Variants in B3GALT1 observed in about 807,000 individuals in gnomAD.
B3GALT1 encodes beta-1,3-galactosyltransferase 1.
A neutral mutation model predicts 23.2 loss-of-function variants in B3GALT1; 10 were observed. That is an observed-to-expected ratio of 0.43 (90% CI 0.27 to 0.73). B3GALT1 has a LOEUF of 0.73. Among genes scored for constraint, B3GALT1 ranks in the 30% least tolerant of loss-of-function variants. The pLI, the probability that B3GALT1 is intolerant of heterozygous loss-of-function variation, is 0.21. For missense variants in B3GALT1, 299 were observed against 405.4 expected (o/e 0.74, Z 2.25); for synonymous variants, 156 against 141.5 (o/e 1.10, Z -0.73).
At chr2:167,511,008 T>C (rs1016439662) in intron 2 of B3GALT1, among the ~76,000 whole-genome samples, 1 of 152,154 alleles carries the variant, frequency 6.6e-6, no homozygotes, top group Non-Finnish European at 1.5e-5. Flanking sequence ...AAGTAAAATA[T>C]TAATCATGAT....
intron 2 of B3GALT1, among the ~76,000 whole-genome samples, chr2:167,535,122 G>T (rs1275054334): frequency 6.6e-6 from 1 of 152,028 alleles, no homozygotes. Flanking sequence ...AAGTCATCAA[G>T]GGAACAAATG....
intron 3 of B3GALT1, among the ~76,000 whole-genome samples, chr2:167,776,008 G>A (rs1215219182): frequency 7.2e-6 from 1 of 138,024 alleles, no homozygotes; most frequent in Non-Finnish European, 1.5e-5. Flanking sequence ...CATGTATTAG[G>A]TAACTATATA....
chr2:167,838,759 A>T (rs1254793852), intron 4 of B3GALT1, among the ~76,000 whole-genome samples: 1 of 152,290 alleles, frequency 6.6e-6, no homozygotes, highest in Non-Finnish European at 1.5e-5. Context: ...CTTGATGAAC[A>T]TTGATGCAAA....
At chr2:167,864,666 C>G (rs1690174409) in intron 4 of B3GALT1, among the ~76,000 whole-genome samples, 1 of 152,202 alleles carries the variant, frequency 6.6e-6, no homozygotes, top group African/African-American at 2.4e-5. Context: ...GCCTATGTCT[C>G]AACAGGCCTT....
chr2:167,633,086 G>T (rs1473766699), intron 2 of B3GALT1, among the ~76,000 whole-genome samples: 1 of 151,882 alleles, frequency 6.6e-6, no homozygotes, highest in Non-Finnish European at 1.5e-5. Flanking sequence ...ATGATGGAGA[G>T]AATGGAACCA....
At chr2:167,610,298 C>T (rs1685037161) in intron 2 of B3GALT1, among the ~76,000 whole-genome samples, 1 of 152,056 alleles carries the variant, frequency 6.6e-6, no homozygotes, top group Admixed American at 6.6e-5. Flanking sequence ...AGAAATTTAA[C>T]CGTGCTTAAA....
At chr2:167,615,282 A>G (rs1343404609) in intron 2 of B3GALT1, among the ~76,000 whole-genome samples, 1 of 152,072 alleles carries the variant, frequency 6.6e-6, no homozygotes, top group African/African-American at 2.4e-5. Context: ...AGCCAGACAC[A>G]GAAAGACAAA....
chr2:167,757,110 C>T (rs929085608), intron 3 of B3GALT1, among the ~76,000 whole-genome samples: 2 of 152,162 alleles, frequency 1.3e-5, no homozygotes, highest in Non-Finnish European at 1.5e-5. Flanking sequence ...TCATCCACTA[C>T]GTCAGAGGAA....
intron 2 of B3GALT1, among the ~76,000 whole-genome samples, chr2:167,604,842 A>G (rs1206199709): frequency 1.3e-5 from 2 of 152,184 alleles, no homozygotes; most frequent in Admixed American, 6.5e-5. Context: ...ATAGAATATA[A>G]ATCTGGGAAG....
intron 1 of B3GALT1, among the ~76,000 whole-genome samples, chr2:167,368,771 T>C (rs1697631381): frequency 6.6e-6 from 1 of 152,188 alleles, no homozygotes; most frequent in Non-Finnish European, 1.5e-5. Context: ...TACCATGTTG[T>C]CTAACTATTG....
intron 1 of B3GALT1, among the ~76,000 whole-genome samples, chr2:167,359,199 AAAG>A (rs1400075015): frequency 6.6e-6 from 1 of 152,228 alleles, no homozygotes; most frequent in Non-Finnish European, 1.5e-5. Context: ...ATTTAAAAAA[AAAG>A]CTCAAAAATT....
chr2:167,850,928 TG>T (rs1226634999), intron 4 of B3GALT1, among the ~76,000 whole-genome samples: 1 of 152,132 alleles, frequency 6.6e-6, no homozygotes, highest in Non-Finnish European at 1.5e-5. Context: ...AACTTTCTCC[TG>T]TATCCAAATA....
intron 3 of B3GALT1, among the ~76,000 whole-genome samples, chr2:167,802,565 A>G (rs1688658294): frequency 6.6e-6 from 1 of 152,220 alleles, no homozygotes; most frequent in South Asian, 2.1e-4. Context: ...ATTGTTTTGC[A>G]AATGTTTTAC....
At chr2:167,515,227 AT>A (rs757822722) in intron 2 of B3GALT1, among the ~76,000 whole-genome samples, 2 of 152,128 alleles carry the variant, frequency 1.3e-5, no homozygotes, top group Non-Finnish European at 2.9e-5. Context: ...AACATTAGAG[AT>A]TTTCCTCTAG....
chr2:167,319,327 A>G (rs910748034), intron 1 of B3GALT1, among the ~76,000 whole-genome samples: 13 of 152,172 alleles, frequency 8.5e-5, no homozygotes, highest in Admixed American at 3.9e-4. Context: ...ACATGTTGCA[A>G]TTTTCTTCTC....
intron 1 of B3GALT1, among the ~76,000 whole-genome samples, chr2:167,423,434 T>A (rs1042293866): frequency 2.6e-5 from 4 of 152,196 alleles, no homozygotes; most frequent in Non-Finnish European, 5.9e-5. Flanking sequence ...ATCTGTGGAC[T>A]TTCTACTCGC....
intron 2 of B3GALT1, among the ~76,000 whole-genome samples, chr2:167,508,624 T>A (rs1244776308): frequency 2.6e-5 from 4 of 152,192 alleles, no homozygotes; most frequent in African/African-American, 9.7e-5. Flanking sequence ...AATTGAACTT[T>A]TTTTTTAGAG....
chr2:167,866,874 C>A lies in B3GALT1; in HGVS notation c.-229-1937C>A, dbSNP rs544067015. 1.7e-4 allele frequency among the ~76,000 whole-genome samples: 26 copies of A among 152,334 alleles called. No homozygotes were observed. In the South Asian group the frequency reaches 5.4e-3, roughly 32 times the overall value. ...TGCTTTCTAGTACCATCTTGGGACT[C>A]ACTTACAACCTTTTGTAATTGAAAT... On this transcript the variant is annotated intron_variant, in intron 4 of 4. Transcript: ENST00000392690.
chr2:167,393,303 G>A lies in B3GALT1; in HGVS notation c.-510-96874G>A, dbSNP rs142918186. ...TTTTTTTTTTTAATTATATAGTCAC[G>A]CCTGTGATCTAGTGGAAACTATCTT... On this transcript the variant is annotated intron_variant, in intron 1 of 4. Transcript: ENST00000392690. 5.1e-3 allele frequency among the ~76,000 whole-genome samples: 754 copies of A among 148,156 alleles called. 5 individuals are homozygous for A. Among genetic ancestry groups the A allele is most frequent in the African/African-American group, 0.018 (719 of 40,170 alleles).
Sources: gnomAD v4.1 joint callset for allele counts (sites outside exome capture counted in the v4.1 genomes callset) on GRCh38, gnomAD v4.1.1 for gene constraint, MANE v1.5 for transcripts, NCBI Gene and HGNC (gene_info 2026-07-23, HGNC 2026-07-21) for gene names.